The following NFE2L1 variants were observed in gnomAD, a reference collection of about 807,000 sequenced individuals.
The protein encoded by NFE2L1 is endoplasmic reticulum membrane sensor NFE2L1.
Under a neutral mutation model 61.6 loss-of-function variants are expected in NFE2L1, and 18 were observed. The ratio of observed to expected loss-of-function variants is 0.29; its 90% CI spans 0.20 to 0.43. The LOEUF is 0.43. Among genes scored for constraint, NFE2L1 ranks in the 20% least tolerant of loss-of-function variants. The pLI is 1.00. For synonymous variants in NFE2L1, 419 were observed against 402.7 expected (o/e 1.04, Z -0.48); for missense variants, 827 against 973.5 (o/e 0.85, Z 2.00).
Position 48,051,267 on chromosome 17 carries a change from A to G in NFE2L1, c.149A>G (p.Tyr50Cys), listed in dbSNP as rs761889543. 4 of 1,614,050 alleles carry G rather than the reference A, an allele frequency of 2.5e-6. No individual in the cohort carries two copies. The highest frequency in any genetic ancestry group is 3.4e-6 in the Non-Finnish European group (4 of 1,180,000). ...ATCATCCTGGGGCCCAGTTCTGCCT[A>G]TACTCAGACCCAGTTCCACAACCTG... is the stretch of plus-strand genomic sequence containing the variant. ...REIILGPSSAYTQTQFHNLRN... is the reference protein window; with the variant it reads ...REIILGPSSACTQTQFHNLRN... Residue 50 changes from tyrosine (Y) to cysteine (C), a missense_variant, in exon 2 of 6, where the codon TAT becomes TGT. Physicochemically the swap from Tyr to Cys is radical, Grantham distance 194. Coordinates refer to ENST00000362042, the MANE Select transcript of NFE2L1 (RefSeq NM_003204.3).
rs1184509967 is a variant in NFE2L1 at position 48,061,060 on chromosome 17, C to T, written c.*1419C>T. Reference sequence around the variant, plus strand: ...GCATATGACAGGCTGAGAGCACCTCCCCAAACACACAAGCTCTCAGCCACA... The same window carrying T: ...GCATATGACAGGCTGAGAGCACCTCTCCAAACACACAAGCTCTCAGCCACA... On this transcript the variant is annotated 3_prime_UTR_variant, in exon 6 of 6. Coordinates refer to ENST00000362042, the MANE Select transcript of NFE2L1 (RefSeq NM_003204.3). 1.3e-5 allele frequency: 2 copies of T among 152,620 alleles called. No individual in the cohort carries two copies. Among genetic ancestry groups the T allele is most frequent in the Admixed American group, 6.5e-5 (1 of 15,278 alleles). 9.5% of individuals were successfully genotyped at this position (152,620 alleles called of 1,614,324 possible).
chr17:48,054,973 G>C, intron 2 of NFE2L1: 1 of 1,484,020 alleles, frequency 6.7e-7, no homozygotes. Flanking sequence ...GCAGCCCCCT[G>C]TCCGGCTTCC....
At chr17:48,053,948 C>G (rs1179915775) in intron 2 of NFE2L1, among the ~76,000 whole-genome samples, 1 of 152,122 alleles carries the variant, frequency 6.6e-6, no homozygotes, top group Non-Finnish European at 1.5e-5. Flanking sequence ...CTAGGCTTGG[C>G]CAGCACTGTG....
chr17:48,048,705 T>C lies in NFE2L1; in HGVS notation c.-513+243T>C, dbSNP rs149951509. 1,409 of 150,184 alleles carry C rather than the reference T, an allele frequency of 9.4e-3. 5 individuals are homozygous for C. The highest frequency in any genetic ancestry group is 0.015 in the Non-Finnish European group (1,039 of 67,650). 9.3% of individuals were successfully genotyped at this position (150,184 alleles called of 1,614,324 possible). ...AGAAGGCGTGGTGTGAGGCCTGGAC[T>C]TGGGAGTGGGGTGGGGCCATCGGGA... On this transcript the variant is annotated intron_variant, in intron 1 of 5. Coordinates refer to ENST00000362042, the MANE Select transcript of NFE2L1 (RefSeq NM_003204.3).
Position 48,056,375 on chromosome 17 carries a change from C to T in NFE2L1, c.511-11C>T, listed in dbSNP as rs1285682079. On this transcript the variant is annotated splice_polypyrimidine_tract_variant and intron_variant, in intron 2 of 5. Coordinates refer to ENST00000362042, the MANE Select transcript of NFE2L1 (RefSeq NM_003204.3). ...GATCTTAGAGCTAAAGTCATGTGAT[C>T]TGTCTTTCAGGACATAGATCTGATT... 6 of 1,613,958 alleles carry T rather than the reference C, an allele frequency of 3.7e-6. No homozygotes were observed. The highest frequency in any genetic ancestry group is 1.7e-4 in the Middle Eastern group (1 of 6,058).
At chr17:48,055,234 A>G in intron 2 of NFE2L1, 1 of 1,265,424 alleles carries the variant, frequency 7.9e-7, no homozygotes, top group Non-Finnish European at 1.0e-6. Context: ...ATACCGACTT[A>G]GAGGTAGGGA....
Position 48,051,011 on chromosome 17 carries a change from GAC to G in NFE2L1, c.-105_-104del. On this transcript the variant is annotated 5_prime_UTR_variant, in exon 2 of 6. The change creates a premature stop within an existing upstream ORF in the 5' untranslated region. Coordinates refer to ENST00000362042, the MANE Select transcript of NFE2L1 (RefSeq NM_003204.3). ...TCTGCCAGGGTGGGGTACGGGGTTT[GAC>G]ACTGAGGAGGGTAACCTGCTGGCTG... 1 of 1,395,964 alleles carries G rather than the reference GAC, an allele frequency of 7.2e-7. No individual in the cohort carries two copies. Among genetic ancestry groups the G allele is most frequent in the East Asian group, 2.3e-5 (1 of 43,066 alleles). 86.5% of individuals were successfully genotyped at this position (1,395,964 alleles called of 1,614,324 possible).
At chr17:48,050,090 C>T (rs1264499058) in intron 1 of NFE2L1, among the ~76,000 whole-genome samples, 4 of 152,224 alleles carry the variant, frequency 2.6e-5, no homozygotes, top group Non-Finnish European at 5.9e-5. Context: ...TGAGATCATT[C>T]GTGATCAGTA....
chr17:48,057,173 T>C (rs1252436431), intron 4 of NFE2L1, 52 bp downstream of exon 4: 2 of 1,603,376 alleles, frequency 1.2e-6, no homozygotes, highest in Non-Finnish European at 1.7e-6. Flanking sequence ...AGCCTGTACC[T>C]GGTGTGTCCC....
chr17:48,058,713 T>A lies in NFE2L1; in HGVS notation c.1391T>A (p.Val464Glu). ...GCCATTGAAGAAGGCTTTAACCCTG[T>A]GCAGGCCTCCCAGCTGGAGGAGGAA... ...DLAIEEGFNPVQASQLEEEFD... is the reference protein window; with the variant it reads ...DLAIEEGFNPEQASQLEEEFD... The change falls in exon 6 of 6, where the codon GTG becomes GAG. Residue 464 changes from valine to glutamate, a missense_variant. Coordinates refer to ENST00000362042, the MANE Select transcript of NFE2L1 (RefSeq NM_003204.3). 1 of 1,614,198 alleles carries A rather than the reference T, an allele frequency of 6.2e-7. No homozygotes were observed. Among genetic ancestry groups the A allele is most frequent in the Non-Finnish European group, 8.5e-7 (1 of 1,180,040 alleles).
In NFE2L1 at chr17:48,058,810, TTCTTCCTCTTCTTCCTCCTCC is replaced by T. The variant is rs745990690; in HGVS notation, c.1506_1526del (p.Ser503_Ser509del). On this transcript the variant is annotated inframe_deletion, in exon 6 of 6. Transcript: ENST00000362042. ...CTTCCCTAAGCAGCTCTGAAGGCAGTTCTTCCTCTTCTTCCTCCTCCTCTTCCTCTTCTTCCTCTGCTTCTT... is the reference window on the plus strand; with the variant it reads ...CTTCCCTAAGCAGCTCTGAAGGCAGTTCTTCCTCTTCTTCCTCTGCTTCTT... 3 of 1,614,030 alleles carry T rather than the reference TTCTTCCTCTTCTTCCTCCTCC, an allele frequency of 1.9e-6. No homozygotes were observed. The highest frequency in any genetic ancestry group is 3.3e-5 in the Admixed American group (2 of 60,032).
At chr17:48,048,541 G>A (rs1217727677) in intron 1 of NFE2L1, 79 bp downstream of exon 1, 1 of 153,312 alleles carries the variant, frequency 6.5e-6, no homozygotes, top group Non-Finnish European at 1.5e-5. Flanking sequence ...CGACGGGATG[G>A]TGCTGAGGTG....
In NFE2L1 at chr17:48,059,297, C is replaced by T. The variant is rs1259958345; in HGVS notation, c.1975C>T (p.Arg659Trp). 6.2e-7 allele frequency: 1 copy of T among 1,614,206 alleles called. No homozygotes were observed. The highest frequency in any genetic ancestry group is 8.5e-7 in the Non-Finnish European group (1 of 1,180,054). ...CCAGCTGAGCCTCATCCGAGACATCCGGCGCCGGGGCAAGAACAAGATGGC... is the reference window on the plus strand; with the variant it reads ...CCAGCTGAGCCTCATCCGAGACATCTGGCGCCGGGGCAAGAACAAGATGGC... ...EAQLSLIRDI[R>W]RRGKNKMAAQ... The change falls in exon 6 of 6, where the codon CGG becomes TGG. Residue 659 changes from arginine (R) to tryptophan (W), a missense_variant. Physicochemically the swap from Arg to Trp is moderately radical, Grantham distance 101. This residue lies in a region of NFE2L1 where 74 missense variants were observed against 127.8 expected (regional missense o/e 0.58). Coordinates refer to ENST00000362042, the MANE Select transcript of NFE2L1 (RefSeq NM_003204.3). This position sits in a 1 kb window ranked among gnomAD's most constrained non-coding sequence, Gnocchi z 6.1.
chr17:48,054,262 T>A (rs536636413), intron 2 of NFE2L1: 1 of 154,696 alleles, frequency 6.5e-6, no homozygotes, highest in South Asian at 2.1e-4. Flanking sequence ...CCCAGGGCTC[T>A]CACTGCGCCA....
In NFE2L1 at chr17:48,060,302, C is replaced by T. The variant is rs771469176; in HGVS notation, c.*661C>T. On this transcript the variant is annotated 3_prime_UTR_variant, in exon 6 of 6. Coordinates refer to ENST00000362042, the MANE Select transcript of NFE2L1 (RefSeq NM_003204.3). ...TGGATATCATTGGCCATGTTTCAAT[C>T]GAATGGAGCCACTGGGCCCCAACAC... The T allele has an allele frequency of 3.3e-5, 5 of 152,650 alleles. No homozygotes were observed. Among genetic ancestry groups the T allele is most frequent in the African/African-American group, 9.7e-5 (4 of 41,424 alleles). 9.5% of individuals were successfully genotyped at this position (152,650 alleles called of 1,614,324 possible). A position where few individuals can be genotyped will look rare whatever the true frequency, so the allele number is the denominator to read the frequency against.
At chr17:48,052,312 G>T (rs911427732) in intron 2 of NFE2L1, among the ~76,000 whole-genome samples, 4 of 152,166 alleles carry the variant, frequency 2.6e-5, no homozygotes, top group Non-Finnish European at 5.9e-5. Flanking sequence ...TACTGTTCTG[G>T]GCAGAAAGCG....
rs2037537988 is a variant in NFE2L1, at chr17:48,061,037, A to G, written c.*1396A>G. On this transcript the variant is annotated 3_prime_UTR_variant, in exon 6 of 6. Coordinates refer to ENST00000362042, the MANE Select transcript of NFE2L1 (RefSeq NM_003204.3). ...TTCTTTCTAGAAGATTGAGAAGTGCATATGACAGGCTGAGAGCACCTCCCC... is the reference window on the plus strand; with the variant it reads ...TTCTTTCTAGAAGATTGAGAAGTGCGTATGACAGGCTGAGAGCACCTCCCC... 6.5e-6 allele frequency: 1 copy of G among 152,674 alleles called. No homozygotes were observed. Among genetic ancestry groups the G allele is most frequent in the Admixed American group, 6.5e-5 (1 of 15,282 alleles). 9.5% of individuals were successfully genotyped at this position (152,674 alleles called of 1,614,324 possible). A position where few individuals can be genotyped will look rare whatever the true frequency, so the allele number is the denominator to read the frequency against.
intron 2 of NFE2L1, among the ~76,000 whole-genome samples, chr17:48,053,295 G>C (rs189730818): frequency 3.9e-5 from 6 of 152,278 alleles, no homozygotes; most frequent in East Asian, 3.9e-4. Context: ...CGTGAAGGTT[G>C]TGCTTTTCCT....
At chr17:48,053,360 C>A (rs1222876482) in intron 2 of NFE2L1, among the ~76,000 whole-genome samples, 1 of 152,094 alleles carries the variant, frequency 6.6e-6, no homozygotes, top group East Asian at 1.9e-4. Context: ...GCATTAGGGG[C>A]CCAGGCTGGG....
Sources: gnomAD v4.1 joint callset for allele counts (sites outside exome capture counted in the v4.1 genomes callset) on GRCh38, gnomAD v4.1.1 for gene constraint, gnomAD v4.1.1 regional missense constraint, Gnocchi (gnomAD v3.1) non-coding constraint, MANE v1.5 for transcripts, NCBI Gene and HGNC (gene_info 2026-07-23, HGNC 2026-07-21) for gene names.